MOCOS: variants seen among roughly 807,000 people sequenced by gnomAD.
MOCOS encodes human molybdenum cofactor sulfurase.
MOCOS carries 86 observed loss-of-function variants against 83.6 expected under a neutral mutation model. The ratio of observed to expected loss-of-function variants is 1.03; its 90% CI spans 0.86 to 1.23. The LOEUF (loss-of-function observed/expected upper bound fraction) is 1.23, where lower values mean the gene tolerates loss of function less well. Among genes scored for constraint, MOCOS ranks in the 50% most tolerant of loss-of-function variants. MOCOS has a pLI of 0.00. For missense variants in MOCOS, 1,120 were observed against 1,126.9 expected (o/e 0.99, Z 0.09); for synonymous variants, 445 against 434.7 (o/e 1.02, Z -0.29).
At chr18:36,258,078 G>A (rs1000787112) in intron 12 of MOCOS, among the ~76,000 whole-genome samples, 8 of 152,008 alleles carry the variant, frequency 5.3e-5, no homozygotes, top group African/African-American at 1.5e-4. Context: ...TGGCACTGAG[G>A]GACCCTTCTC....
intron 9 of MOCOS, among the ~76,000 whole-genome samples, chr18:36,240,681 C>A (rs1263527084): frequency 2.0e-5 from 3 of 152,208 alleles, no homozygotes; most frequent in Non-Finnish European, 2.9e-5. Context: ...AGCTTCCCAG[C>A]TGCTTTGTTT....
chr18:36,243,166 C>A (rs1238139708), intron 9 of MOCOS, among the ~76,000 whole-genome samples: 1 of 152,028 alleles, frequency 6.6e-6, no homozygotes, highest in Non-Finnish European at 1.5e-5. Context: ...GATCTGGGAG[C>A]TTTTTGGATG....
intron 12 of MOCOS, among the ~76,000 whole-genome samples, chr18:36,257,377 T>G (rs1248806701): frequency 6.6e-6 from 1 of 152,230 alleles, no homozygotes; most frequent in African/African-American, 2.4e-5. Context: ...TTAATTGAAT[T>G]GCCACCAACT....
In MOCOS at chr18:36,229,452, A is replaced by C. The variant is rs140476711; in HGVS notation, c.1960+9235A>C. On this transcript the variant is annotated intron_variant, in intron 9 of 14. Transcript: ENST00000261326. ...TTTTTCCTTCCTTTTGACTTTTGGC[A>C]ATCTGATTATATGTGTCTTGGCGTG... is the stretch of plus-strand genomic sequence containing the variant. Among the ~76,000 whole-genome samples, 371 of 152,252 alleles carry C rather than the reference A, an allele frequency of 2.4e-3. 3 individuals are homozygous for C. The highest frequency in any genetic ancestry group is 8.6e-3 in the African/African-American group (357 of 41,560).
At chr18:36,246,382 A>G (rs897440299) in intron 9 of MOCOS, among the ~76,000 whole-genome samples, 1 of 152,006 alleles carries the variant, frequency 6.6e-6, no homozygotes, top group Non-Finnish European at 1.5e-5. Flanking sequence ...GACTGCAGTG[A>G]TTGTTATTGC....
intron 9 of MOCOS, among the ~76,000 whole-genome samples, chr18:36,247,088 G>T (rs1318866428): frequency 1.3e-5 from 2 of 152,110 alleles, no homozygotes; most frequent in East Asian, 3.9e-4. Context: ...GTTCCCAGGG[G>T]AATTATGGCT....
At chr18:36,256,847 A>G (rs2091643355) in intron 11 of MOCOS, 121 bp from the exon 12 acceptor site, 1 of 864,566 alleles carries the variant, frequency 1.2e-6, no homozygotes, top group Non-Finnish European at 2.0e-6. Flanking sequence ...TTGCCAGGAC[A>G]TCACTTTTTT....
intron 14 of MOCOS, 78 bp downstream of exon 14, chr18:36,266,931 C>G (rs2091683940): frequency 3.3e-6 from 4 of 1,225,886 alleles, no homozygotes; most frequent in Non-Finnish European, 4.7e-6. Context: ...CATAATAGCA[C>G]AGAGTTATTT....
chr18:36,257,035 A>T lies in MOCOS; in HGVS notation c.2232A>T (p.Thr744=). The change falls in exon 12 of 15, where the codon ACA becomes ACT. Residue 744 remains threonine (T), a synonymous_variant. Coordinates refer to ENST00000261326, the MANE Select transcript of MOCOS (RefSeq NM_017947.4). The part of the protein sequence containing the change: ...VNEAQYLLIN[T]SSILELHRQL... ...AGGCACAGTATCTGCTGATCAACAC[A>T]TCCAGTATTTTGGAACTTCACCGGC... is the stretch of plus-strand genomic sequence containing the variant. 6.2e-7 allele frequency: 1 copy of T among 1,614,140 alleles called. No individual in the cohort carries two copies. The highest frequency in any genetic ancestry group is 8.5e-7 in the Non-Finnish European group (1 of 1,179,994).
rs765010974 is a variant in MOCOS at position 36,215,584 on chromosome 18, A to C, written c.1404A>C (p.Ser468=). The change falls in exon 8 of 15, where the codon TCA becomes TCC. Residue 468 remains serine (S), a synonymous_variant. Transcript: ENST00000261326. Reference sequence around the variant, plus strand: ...AGCCCACAGGATCTGTGAGGATTTCATTTGGATACATGTCGACGCTGGATG... The same window carrying C: ...AGCCCACAGGATCTGTGAGGATTTCCTTTGGATACATGTCGACGCTGGATG... The part of the protein sequence containing the change: ...DGQPTGSVRI[S]FGYMSTLDDV... The C allele has an allele frequency of 3.7e-6, 6 of 1,614,024 alleles. No homozygotes were observed. The East Asian group carries it at 1.1e-4, about 30-fold the overall frequency.
At chr18:36,261,942 A>C (rs1195834150) in intron 13 of MOCOS, among the ~76,000 whole-genome samples, 1 of 152,192 alleles carries the variant, frequency 6.6e-6, no homozygotes, top group Admixed American at 6.5e-5. Flanking sequence ...GAGAACTAGA[A>C]CTAGACTGAG....
chr18:36,218,731 G>T (rs906100317), intron 8 of MOCOS, among the ~76,000 whole-genome samples: 1 of 151,574 alleles, frequency 6.6e-6, no homozygotes, highest in African/African-American at 2.4e-5. Context: ...TGTTGATCAG[G>T]CTGGTCTTGA....
At chr18:36,238,378 C>T (rs1320595148) in intron 9 of MOCOS, among the ~76,000 whole-genome samples, 133 of 151,090 alleles carry the variant, frequency 8.8e-4, no homozygotes, top group African/African-American at 3.1e-3. Context: ...TTTCTGCCTT[C>T]ATTTCGTTAT....
chr18:36,188,552 T>G (rs2091351572), intron 1 of MOCOS, among the ~76,000 whole-genome samples: 1 of 152,160 alleles, frequency 6.6e-6, no homozygotes, highest in Non-Finnish European at 1.5e-5. Flanking sequence ...AAGGAGGGTG[T>G]GCAGGTGAAG....
At chr18:36,215,416 G>C in intron 7 of MOCOS, 100 bp from the exon 8 acceptor site, 1 of 1,129,982 alleles carries the variant, frequency 8.8e-7, no homozygotes, top group South Asian at 1.3e-5. Flanking sequence ...TGTTTTCCTG[G>C]GTTAATTTTA....
intron 9 of MOCOS, among the ~76,000 whole-genome samples, chr18:36,242,490 C>G (rs936777231): frequency 1.3e-5 from 2 of 152,182 alleles, no homozygotes; most frequent in African/African-American, 4.8e-5. Flanking sequence ...TTACCTAGTT[C>G]CAAAGTCTCT....
chr18:36,228,054 T>A (rs1271234843), intron 9 of MOCOS, among the ~76,000 whole-genome samples: 1 of 152,096 alleles, frequency 6.6e-6, no homozygotes, highest in Non-Finnish European at 1.5e-5. Flanking sequence ...AAGACATATA[T>A]GCAGCCAACA....
chr18:36,249,205 A>G (rs1267334442), intron 10 of MOCOS, among the ~76,000 whole-genome samples: 4 of 152,018 alleles, frequency 2.6e-5, no homozygotes, highest in Admixed American at 6.6e-5. Flanking sequence ...AGGTCTTTGC[A>G]CTTGCTGTTC....
At chr18:36,255,603 C>T (rs560732075) in intron 11 of MOCOS, among the ~76,000 whole-genome samples, 2 of 152,232 alleles carry the variant, frequency 1.3e-5, no homozygotes, top group African/African-American at 4.8e-5. Context: ...ATTGCACCTC[C>T]CTTCTCTGGC....
Sources: allele counts gnomAD v4.1 joint callset (sites outside exome capture counted in the v4.1 genomes callset), GRCh38; gene constraint gnomAD v4.1.1; transcripts MANE v1.5; gene names NCBI Gene and HGNC (gene_info 2026-07-23, HGNC 2026-07-21).